MCC: variants seen among roughly 807,000 people sequenced by gnomAD.
The protein encoded by MCC is MCC regulator of Wnt signaling pathway, also known as colorectal mutant cancer protein.
In MCC, 90 loss-of-function variants were observed where a neutral mutation model predicts 116.2. The ratio of observed to expected loss-of-function variants is 0.77; its 90% CI spans 0.65 to 0.92. The LOEUF is 0.92. Ranked by LOEUF, MCC falls within the 40% of genes least tolerant of loss-of-function variation. The pLI, the probability that MCC is intolerant of heterozygous loss-of-function variation, is 0.00. For missense variants in MCC, 1,516 were observed against 1,312.2 expected (o/e 1.16, Z -2.40); for synonymous variants, 578 against 510.5 (o/e 1.13, Z -1.78).
rs1768977860 is a variant in MCC at position 113,376,298 on chromosome 5, A to G, written c.415+8670T>C. Among the ~76,000 whole-genome samples the G allele has an allele frequency of 2.0e-5, 3 of 152,130 alleles. No individual in the cohort carries two copies. In the South Asian group the frequency reaches 6.2e-4, roughly 32 times the overall value. On this transcript the variant is annotated intron_variant, in intron 2 of 18. Transcript: ENST00000408903. Reference sequence around the variant, plus strand: ...CTATGGGTATCAGAGAGCTTTGTTCACTGGTATATTTGTTTATTGGCCAAA... The same window carrying G: ...CTATGGGTATCAGAGAGCTTTGTTCGCTGGTATATTTGTTTATTGGCCAAA...
At chr5:113,089,247 T>C (rs994647651) in intron 8 of MCC, among the ~76,000 whole-genome samples, 1 of 152,250 alleles carries the variant, frequency 6.6e-6, no homozygotes, top group African/African-American at 2.4e-5. Context: ...GGCTGGCCTC[T>C]GCCTTCCTAG....
intron 2 of MCC, among the ~76,000 whole-genome samples, chr5:113,373,178 CA>C (rs764418127): frequency 2.3e-4 from 30 of 132,116 alleles, no homozygotes; most frequent in Non-Finnish European, 3.0e-4. Flanking sequence ...GACTCCCTCT[CA>C]AAAAAAAATA....
chr5:113,064,304 G>C (rs1753440170), intron 13 of MCC, 137 bp from the exon 14 acceptor site: 1 of 730,968 alleles, frequency 1.4e-6, no homozygotes, highest in Non-Finnish European at 2.2e-6. Flanking sequence ...CCCAGCCGAA[G>C]AGAAGATCTG....
chr5:113,460,845 C>G lies in MCC; in HGVS notation c.170+27400G>C, dbSNP rs145158231. Among the ~76,000 whole-genome samples, 12 of 152,332 alleles carry G rather than the reference C, an allele frequency of 7.9e-5. No homozygotes were observed. The East Asian group carries it at 2.3e-3, about 29-fold the overall frequency. ...GAAACGTAGAACCTCAAGCCCACAACAGAACTGCAGAATCTAAATTTGCAA... is the reference window on the plus strand; with the variant it reads ...GAAACGTAGAACCTCAAGCCCACAAGAGAACTGCAGAATCTAAATTTGCAA... On this transcript the variant is annotated intron_variant, in intron 1 of 18. Transcript: ENST00000408903.
chr5:113,143,446 T>C lies in MCC; in HGVS notation c.742-86A>G, dbSNP rs558150129. The C allele has an allele frequency of 2.2e-5, 31 of 1,424,154 alleles. No homozygotes were observed. The African/African-American group carries it at 4.0e-4, about 18-fold the overall frequency. The allele number at this position is 1,424,154 out of a possible 1,614,324, so 88.2% of individuals were successfully genotyped here. A position where few individuals can be genotyped will look rare whatever the true frequency, so the allele number is the denominator to read the frequency against. ...TCCAAGCTTTGTGGCCTTAAACCAT[T>C]ACAACTGCCAACACTGAGTATGCCC... On this transcript the variant is annotated intron_variant, in intron 4 of 18. Coordinates refer to ENST00000408903, the MANE Select transcript of MCC (RefSeq NM_001085377.2).
At chr5:113,196,060 ATTCTT>A (rs1310829412) in intron 3 of MCC, among the ~76,000 whole-genome samples, 1 of 152,204 alleles carries the variant, frequency 6.6e-6, no homozygotes, top group Non-Finnish European at 1.5e-5. Flanking sequence ...AGTAGACTTC[ATTCTT>A]TTCGATTGTT....
chr5:113,208,695 G>T lies in MCC; in HGVS notation c.628-57273C>A, dbSNP rs144669490. Among the ~76,000 whole-genome samples the T allele has an allele frequency of 1.2e-4, 19 of 152,194 alleles. No individual in the cohort carries two copies. The East Asian group carries it at 3.1e-3, about 25-fold the overall frequency. The stretch of plus-strand genomic sequence containing the variant: ...GGTTTCTAGAAACTGAGGCAAAGAG[G>T]AGTCACAGAAAATTCAGCTAGCAAG... On this transcript the variant is annotated intron_variant, in intron 3 of 18. Transcript: ENST00000408903.
intron 1 of MCC, among the ~76,000 whole-genome samples, chr5:113,451,470 C>G (rs960732293): frequency 6.6e-6 from 1 of 152,242 alleles, no homozygotes; most frequent in African/African-American, 2.4e-5. Context: ...TGCGGTGACT[C>G]ATGCCTGTAA....
At chr5:113,220,849 C>A (rs1022330934) in intron 3 of MCC, among the ~76,000 whole-genome samples, 2 of 152,198 alleles carry the variant, frequency 1.3e-5, no homozygotes, top group African/African-American at 4.8e-5. Context: ...GCTAGAACAT[C>A]TAGTGCAATG....
At chr5:113,366,412 A>G (rs1337083535) in intron 2 of MCC, among the ~76,000 whole-genome samples, 3 of 151,914 alleles carry the variant, frequency 2.0e-5, no homozygotes, top group Non-Finnish European at 4.4e-5. Context: ...TTCTCTGGAG[A>G]ATTATTTGTG....
chr5:113,188,702 G>A (rs537493916), intron 3 of MCC, among the ~76,000 whole-genome samples: 1 of 152,224 alleles, frequency 6.6e-6, no homozygotes, highest in East Asian at 1.9e-4. Context: ...CATGATGTAG[G>A]CCTTTAAAGT....
chr5:113,239,481 C>A (rs1764279457), intron 3 of MCC, among the ~76,000 whole-genome samples: 1 of 152,068 alleles, frequency 6.6e-6, no homozygotes. Flanking sequence ...GTGGAGCAGA[C>A]CTTGTCCTCA....
At chr5:113,479,190 T>C (rs1772310134) in intron 1 of MCC, among the ~76,000 whole-genome samples, 1 of 152,244 alleles carries the variant, frequency 6.6e-6, no homozygotes, top group Admixed American at 6.5e-5. Context: ...TTCACATGCA[T>C]GACATTGCTC....
At chr5:113,084,079 C>G in intron 10 of MCC, 22 bp downstream of exon 10, 1 of 1,604,898 alleles carries the variant, frequency 6.2e-7, no homozygotes, top group Non-Finnish European at 8.5e-7. Context: ...ACTTTCTTGC[C>G]TTGCTTCTCA....
chr5:113,218,998 T>C (rs1027313082), intron 3 of MCC, among the ~76,000 whole-genome samples: 1 of 152,066 alleles, frequency 6.6e-6, no homozygotes, highest in Non-Finnish European at 1.5e-5. Flanking sequence ...AGGTGAAGAG[T>C]CTAAAAAAAG....
At chr5:113,387,375 A>T (rs968536330) in intron 1 of MCC, among the ~76,000 whole-genome samples, 7 of 152,354 alleles carry the variant, frequency 4.6e-5, no homozygotes, top group African/African-American at 1.7e-4. Context: ...ATATTTTCAT[A>T]TAAGACCTAC....
At chr5:113,228,724 T>C (rs1358910628) in intron 3 of MCC, among the ~76,000 whole-genome samples, 1 of 152,178 alleles carries the variant, frequency 6.6e-6, no homozygotes, top group Non-Finnish European at 1.5e-5. Context: ...ACTCAGCTGC[T>C]GTGGTGAGAA....
At chr5:113,478,766 G>A (rs1772298506) in intron 1 of MCC, among the ~76,000 whole-genome samples, 1 of 152,194 alleles carries the variant, frequency 6.6e-6, no homozygotes, top group Non-Finnish European at 1.5e-5. Context: ...ATCCAATAAT[G>A]TGGCATCATG....
chr5:113,109,961 G>C (rs747642662), intron 6 of MCC, among the ~76,000 whole-genome samples: 6 of 152,078 alleles, frequency 3.9e-5, no homozygotes, highest in Non-Finnish European at 8.8e-5. Context: ...AGCCTCTGCT[G>C]TACTTTATTT....
Sources: gnomAD v4.1 joint callset for allele counts (sites outside exome capture counted in the v4.1 genomes callset) on GRCh38, gnomAD v4.1.1 for gene constraint, MANE v1.5 for transcripts, NCBI Gene and HGNC (gene_info 2026-07-23, HGNC 2026-07-21) for gene names.